Variants in KCNN3 observed in about 807,000 individuals in gnomAD.
The protein encoded by KCNN3 is potassium calcium-activated channel subfamily N member 3.
Under a neutral mutation model 62.9 loss-of-function variants are expected in KCNN3, and 16 were observed. That is an observed-to-expected ratio of 0.25 (90% confidence interval 0.17 to 0.39). The LOEUF (loss-of-function observed/expected upper bound fraction) is 0.39, where lower values mean the gene tolerates loss of function less well. KCNN3 is among the 10% of genes least tolerant of loss of function. The pLI, the probability that KCNN3 is intolerant of heterozygous loss-of-function variation, is 1.00. For synonymous variants in KCNN3, 370 were observed against 389.2 expected, an observed-to-expected ratio of 0.95 and a Z score of 0.58; for missense variants, 599 against 949.4, an observed-to-expected ratio of 0.63 and a Z score of 4.85.
At chr1:154,813,364 G>A (rs1158537792) in intron 2 of KCNN3, among the ~76,000 whole-genome samples, 1 of 152,136 alleles carries the variant, frequency 6.6e-6, no homozygotes, top group Non-Finnish European at 1.5e-5. Flanking sequence ...ACAAGTGTGT[G>A]GTTTCCAAGG....
intron 2 of KCNN3, among the ~76,000 whole-genome samples, chr1:154,780,611 T>TAC (rs1414438274): frequency 1.3e-5 from 2 of 148,396 alleles, no homozygotes; most frequent in African/African-American, 4.9e-5. Context: ...TATATATATA[T>TAC]ACATATATAA....
intron 3 of KCNN3, among the ~76,000 whole-genome samples, chr1:154,749,026 C>T (rs974062529): frequency 3.9e-5 from 6 of 152,168 alleles, no homozygotes; most frequent in African/African-American, 1.4e-4. Flanking sequence ...GACCATATTA[C>T]ACCTTGGAGG....
intron 2 of KCNN3, among the ~76,000 whole-genome samples, chr1:154,792,146 C>A (rs1649545593): frequency 6.6e-6 from 1 of 152,192 alleles, no homozygotes; most frequent in Admixed American, 6.5e-5. Flanking sequence ...CTGTGGGAAC[C>A]TTGAAAGGGA....
intron 2 of KCNN3, among the ~76,000 whole-genome samples, chr1:154,807,946 T>C (rs1416774511): frequency 6.6e-6 from 1 of 152,112 alleles, no homozygotes; most frequent in Non-Finnish European, 1.5e-5. Context: ...ACCATTCCTC[T>C]AGCCCAACCC....
chr1:154,745,044 G>A (rs1419171820), intron 3 of KCNN3, among the ~76,000 whole-genome samples: 2 of 151,896 alleles, frequency 1.3e-5, no homozygotes, highest in Non-Finnish European at 2.9e-5. Context: ...ATCAAACCAC[G>A]TGCCCAGGAC....
Position 154,699,237 on chromosome 1 carries a change from A to G in KCNN3, c.*8739T>C, listed in dbSNP as rs1699803120. 1 of 151,950 alleles carries G rather than the reference A, an allele frequency of 6.6e-6. No homozygotes were observed. The highest frequency in any genetic ancestry group is 1.5e-5 in the Non-Finnish European group (1 of 68,014). The allele number at this position is 151,950 out of a possible 1,614,324, so 9.4% of individuals were successfully genotyped here. On this transcript the variant is annotated 3_prime_UTR_variant, in exon 8 of 8. Coordinates refer to ENST00000271915, the MANE Select transcript of KCNN3 (RefSeq NM_002249.6). ...CTTTTTAATAAAAAGTAAAAAACAA[A>G]CAAAAAATACATCAATGTTCCGAAT...
In KCNN3 at chr1:154,731,020, T is replaced by G. The variant is rs1008750492; in HGVS notation, c.1590+1983A>C. 3.3e-5 allele frequency among the ~76,000 whole-genome samples: 5 copies of G among 152,044 alleles called. No individual in the cohort carries two copies. The East Asian group carries it at 9.6e-4, about 29-fold the overall frequency. On this transcript the variant is annotated intron_variant, in intron 4 of 7. Transcript: ENST00000271915. Reference sequence around the variant, plus strand: ...GAAGCCAGGTCTTTGGGGTGCTGCTTCTTGGATGGGGACAGCTATGTGCTG... The same window carrying G: ...GAAGCCAGGTCTTTGGGGTGCTGCTGCTTGGATGGGGACAGCTATGTGCTG...
chr1:154,767,741 C>T (rs749037208), intron 3 of KCNN3, among the ~76,000 whole-genome samples: 1 of 152,202 alleles, frequency 6.6e-6, no homozygotes, highest in African/African-American at 2.4e-5. Context: ...GGCCTCGGAA[C>T]CCATGATGTA....
chr1:154,861,388 G>A (rs1001365051), intron 1 of KCNN3, among the ~76,000 whole-genome samples: 1 of 152,000 alleles, frequency 6.6e-6, no homozygotes, highest in Non-Finnish European at 1.5e-5. Flanking sequence ...CTGTGCCCTC[G>A]CCCTGGGCCT....
intron 1 of KCNN3, among the ~76,000 whole-genome samples, chr1:154,867,243 G>A (rs1393620470): frequency 1.3e-5 from 2 of 152,206 alleles, no homozygotes; most frequent in Non-Finnish European, 2.9e-5. Context: ...AGGAGAGGCG[G>A]TTCTGAGAAG....
At position 154,725,545 on chromosome 1, in the gene KCNN3, CT is replaced by C. The variant is rs748710722; in HGVS notation, c.1701+370del. On this transcript the variant is annotated intron_variant, in intron 5 of 7. Coordinates refer to ENST00000271915, the MANE Select transcript of KCNN3 (RefSeq NM_002249.6). ...TGACCATTTGCTTCCTTCCTTCCTT[CT>C]TTTTTTTTTTTTTTTGAGATGGAAT... Among the ~76,000 whole-genome samples the C allele has an allele frequency of 9.3e-3, 1,271 of 136,150 alleles. 24 individuals carry two copies. The highest frequency in any genetic ancestry group is 0.026 in the African/African-American group (942 of 36,616). The allele number at this position is 136,150 out of a possible 152,430, so 89.3% of individuals were successfully genotyped here. A position where few individuals can be genotyped will look rare whatever the true frequency, so the allele number is the denominator to read the frequency against.
intron 1 of KCNN3, among the ~76,000 whole-genome samples, chr1:154,849,015 C>A (rs1258013547): frequency 6.6e-6 from 1 of 152,200 alleles, no homozygotes; most frequent in Non-Finnish European, 1.5e-5. Flanking sequence ...ACAGACCTTT[C>A]CCCGACAGCA....
intron 3 of KCNN3, among the ~76,000 whole-genome samples, chr1:154,768,044 G>A (rs1323390613): frequency 6.6e-6 from 1 of 152,220 alleles, no homozygotes; most frequent in Non-Finnish European, 1.5e-5. Context: ...AATGTGAACA[G>A]GCTCTGGGCA....
Position 154,870,154 on chromosome 1 carries a change from G to C in KCNN3, c.-190C>G. ...AGACGCTGCCACTCAAGAATGCATT[G>C]TATTGGGCAGGGAGGGAGAGCAGGA... On this transcript the variant is annotated 5_prime_UTR_variant, in exon 1 of 8. Transcript: ENST00000271915. 1.4e-6 allele frequency: 1 copy of C among 737,128 alleles called. No individual in the cohort carries two copies. Among genetic ancestry groups the C allele is most frequent in the Non-Finnish European group, 2.5e-6 (1 of 407,108 alleles). 45.7% of individuals were successfully genotyped at this position (737,128 alleles called of 1,614,324 possible).
intron 1 of KCNN3, among the ~76,000 whole-genome samples, chr1:154,840,650 C>G (rs1651787114): frequency 6.6e-6 from 1 of 152,226 alleles, no homozygotes; most frequent in African/African-American, 2.4e-5. Flanking sequence ...TCCCTCAGCC[C>G]CAGTCAGAAT....
chr1:154,796,725 C>T (rs953559), intron 2 of KCNN3, among the ~76,000 whole-genome samples: 133,669 of 152,276 alleles, frequency 0.88, 58,849 homozygotes, highest in Admixed American at 0.91. Flanking sequence ...GCCAGCTCAC[C>T]GGTCGATGTG....
At chr1:154,709,149 C>T (rs990459182) in intron 7 of KCNN3, among the ~76,000 whole-genome samples, 3 of 152,208 alleles carry the variant, frequency 2.0e-5, no homozygotes, top group African/African-American at 7.2e-5. Context: ...ACCAGTGCTC[C>T]TTCCCCAACA....
At chr1:154,728,458 G>A (rs990300095) in intron 4 of KCNN3, among the ~76,000 whole-genome samples, 2 of 152,124 alleles carry the variant, frequency 1.3e-5, no homozygotes, top group Admixed American at 6.5e-5. Flanking sequence ...CACCTAACCT[G>A]GTCTTTTCCA....
chr1:154,825,398 C>T (rs1651064387), intron 1 of KCNN3, among the ~76,000 whole-genome samples: 1 of 137,056 alleles, frequency 7.3e-6, no homozygotes, highest in East Asian at 2.2e-4. Flanking sequence ...CAGAGTCTTG[C>T]TCTGTCTCCC....
Sources: gnomAD v4.1 joint callset for allele counts (sites outside exome capture counted in the v4.1 genomes callset) on GRCh38, gnomAD v4.1.1 for gene constraint, MANE v1.5 for transcripts, NCBI Gene and HGNC (gene_info 2026-07-23, HGNC 2026-07-21) for gene names.